GRID2: variants seen among roughly 807,000 people sequenced by gnomAD.
GRID2 encodes glutamate receptor ionotropic, delta-2.
GRID2 carries 33 observed loss-of-function variants against 114.8 expected under a neutral mutation model. The observed-to-expected ratio is 0.29, with a 90% CI of 0.22 to 0.38. The LOEUF is 0.38. Among genes scored for constraint, GRID2 ranks in the 10% least tolerant of loss-of-function variants. The pLI is 1.00. For missense variants in GRID2, 1,184 were observed against 1,257.7 expected (o/e 0.94, Z 0.89); for synonymous variants, 505 against 449.9 (o/e 1.12, Z -1.55).
intron 8 of GRID2, among the ~76,000 whole-genome samples, chr4:93,382,101 G>A (rs1398097648): frequency 1.3e-5 from 2 of 151,976 alleles, no homozygotes; most frequent in Admixed American, 6.6e-5. Context: ...CAAAATTTCT[G>A]ATAAGATATA....
chr4:92,726,648 T>G (rs1043948071), intron 2 of GRID2, among the ~76,000 whole-genome samples: 1 of 152,106 alleles, frequency 6.6e-6, no homozygotes, highest in Non-Finnish European at 1.5e-5. Context: ...ACAAAATTAA[T>G]TTTTATAATC....
intron 3 of GRID2, among the ~76,000 whole-genome samples, chr4:93,097,527 T>G (rs1476803725): frequency 6.6e-6 from 1 of 151,928 alleles, no homozygotes; most frequent in Non-Finnish European, 1.5e-5. Flanking sequence ...GTAATTGGAA[T>G]GCCTGGGCCT....
chr4:93,080,405 G>C (rs1353999019), intron 2 of GRID2, among the ~76,000 whole-genome samples: 1 of 152,146 alleles, frequency 6.6e-6, no homozygotes, highest in Non-Finnish European at 1.5e-5. Context: ...ACAAATATTA[G>C]ATGTTCTGCA....
chr4:92,903,932 T>C (rs988983521), intron 2 of GRID2, among the ~76,000 whole-genome samples: 2 of 151,928 alleles, frequency 1.3e-5, no homozygotes, highest in Admixed American at 1.3e-4. Context: ...GAGGGAAGTA[T>C]CTATGCTTAT....
intron 4 of GRID2, among the ~76,000 whole-genome samples, chr4:93,189,812 CACAA>C (rs1241543906): frequency 1.5e-5 from 2 of 130,158 alleles, no homozygotes; most frequent in African/African-American, 5.5e-5. Context: ...CACACACACA[CACAA>C]ATCTCATCTT....
At chr4:93,555,655 G>C (rs760013062) in intron 13 of GRID2, among the ~76,000 whole-genome samples, 28 of 152,324 alleles carry the variant, frequency 1.8e-4, no homozygotes, top group Middle Eastern at 3.4e-3. Flanking sequence ...GAGCACCTGG[G>C]GGAAGGGGCG....
intron 2 of GRID2, among the ~76,000 whole-genome samples, chr4:92,866,581 T>C (rs763428201): frequency 3.2e-4 from 49 of 152,110 alleles, no homozygotes; most frequent in Admixed American, 9.2e-4. Flanking sequence ...GCTCACTCTG[T>C]CACCCAGGCT....
At chr4:93,589,091 G>A (rs1230365669) in intron 13 of GRID2, among the ~76,000 whole-genome samples, 1 of 151,018 alleles carries the variant, frequency 6.6e-6, no homozygotes, top group East Asian at 1.9e-4. Flanking sequence ...AGGGTACATG[G>A]GCACATTGTG....
chr4:93,263,745 G>A (rs1750504289), intron 8 of GRID2, among the ~76,000 whole-genome samples: 1 of 151,940 alleles, frequency 6.6e-6, no homozygotes, highest in Non-Finnish European at 1.5e-5. Flanking sequence ...GGGTTAGAGT[G>A]GGTAATTTGA....
In GRID2 at chr4:93,583,273, C is replaced by T. The variant is rs181180921; in HGVS notation, c.2194-42996C>T. Among the ~76,000 whole-genome samples the T allele has an allele frequency of 3.1e-3, 477 of 152,234 alleles. 4 individuals carry two copies. Among genetic ancestry groups the T allele is most frequent in the African/African-American group, 0.011 (454 of 41,530 alleles). Reference sequence around the variant, plus strand: ...ATTTCGAGGGGGGCACTATTTAACTCGCTACAGGTATAATTATGTATGAAG... The same window carrying T: ...ATTTCGAGGGGGGCACTATTTAACTTGCTACAGGTATAATTATGTATGAAG... On this transcript the variant is annotated intron_variant, in intron 13 of 15. Transcript: ENST00000282020.
chr4:93,043,958 C>A (rs1725878817), intron 2 of GRID2, among the ~76,000 whole-genome samples: 1 of 151,430 alleles, frequency 6.6e-6, no homozygotes, highest in African/African-American at 2.4e-5. Context: ...AATGTCTCTA[C>A]CCTTAAGTAG....
chr4:93,128,500 GA>G (rs1174486279), intron 4 of GRID2, among the ~76,000 whole-genome samples: 8 of 152,172 alleles, frequency 5.3e-5, no homozygotes, highest in Admixed American at 5.2e-4. Flanking sequence ...TCAATATGCT[GA>G]ATGTGAATTT....
chr4:92,985,716 C>G (rs1218341681), intron 2 of GRID2, among the ~76,000 whole-genome samples: 1 of 152,086 alleles, frequency 6.6e-6, no homozygotes, highest in East Asian at 1.9e-4. Context: ...ACACTCTTTT[C>G]AATACCCAAA....
At chr4:93,677,881 C>G (rs1432159954) in intron 14 of GRID2, among the ~76,000 whole-genome samples, 1 of 151,950 alleles carries the variant, frequency 6.6e-6, no homozygotes, top group Non-Finnish European at 1.5e-5. Flanking sequence ...CGCCTCTCCT[C>G]CTCCAAAGGA....
At chr4:92,601,676 C>T (rs531665916) in intron 2 of GRID2, among the ~76,000 whole-genome samples, 6 of 151,862 alleles carry the variant, frequency 4.0e-5, no homozygotes, top group African/African-American at 1.4e-4. Context: ...AAGAAATAAC[C>T]AAGATCAGAG....
chr4:93,021,102 C>T (rs970086258), intron 2 of GRID2, among the ~76,000 whole-genome samples: 1 of 151,052 alleles, frequency 6.6e-6, no homozygotes, highest in African/African-American at 2.4e-5. Context: ...TAAGGGCAGG[C>T]CCATTAATAA....
At chr4:93,725,509 T>C (rs1179880481) in intron 14 of GRID2, among the ~76,000 whole-genome samples, 2 of 152,032 alleles carry the variant, frequency 1.3e-5, no homozygotes, top group Middle Eastern at 6.3e-3. Flanking sequence ...AGTAATGGGA[T>C]GGCTGGGTCA....
chr4:92,667,410 T>A (rs1030826901), intron 2 of GRID2, among the ~76,000 whole-genome samples: 46 of 151,746 alleles, frequency 3.0e-4, no homozygotes, highest in Admixed American at 1.1e-3. Context: ...TCCCATAATA[T>A]AAAATTTAGA....
intron 2 of GRID2, among the ~76,000 whole-genome samples, chr4:93,002,894 A>G (rs1200845917): frequency 6.6e-6 from 1 of 151,758 alleles, no homozygotes; most frequent in East Asian, 1.9e-4. Context: ...TCTAACTTCT[A>G]GAGGTCACCT....
Sources: gnomAD v4.1 joint callset for allele counts (sites outside exome capture counted in the v4.1 genomes callset) on GRCh38, gnomAD v4.1.1 for gene constraint, MANE v1.5 for transcripts, NCBI Gene and HGNC (gene_info 2026-07-23, HGNC 2026-07-21) for gene names.